ZNF804B: variants seen among roughly 807,000 people sequenced by gnomAD.
The protein encoded by ZNF804B is zinc finger 804B.
A neutral mutation model predicts 101.4 loss-of-function variants in ZNF804B; 80 were observed. That is an observed-to-expected ratio of 0.79 (90% CI 0.66 to 0.95). The LOEUF is 0.95. ZNF804B is among the 40% of genes least tolerant of loss of function. ZNF804B has a pLI of 0.00. For synonymous variants in ZNF804B, 622 were observed against 558.8 expected (o/e 1.11, Z -1.59); for missense variants, 1,673 against 1,561.9 (o/e 1.07, Z -1.20).
intron 1 of ZNF804B, among the ~76,000 whole-genome samples, chr7:89,013,185 C>T (rs1386667333): frequency 6.6e-6 from 1 of 152,048 alleles, no homozygotes; most frequent in Admixed American, 6.6e-5. Context: ...CAGAGCCAAA[C>T]CATATCAAGT....
rs115888683 is a variant in ZNF804B at position 88,905,600 on chromosome 7, C to G, written c.108+145516C>G. 4.9e-3 allele frequency among the ~76,000 whole-genome samples: 750 copies of G among 152,224 alleles called. 11 individuals are homozygous for G. Among genetic ancestry groups the G allele is most frequent in the African/African-American group, 0.017 (719 of 41,534 alleles). On this transcript the variant is annotated intron_variant, in intron 1 of 3. Coordinates refer to ENST00000333190, the MANE Select transcript of ZNF804B (RefSeq NM_181646.5). ...CCTTGAACTGCTGACCTCAGGTGATCTCTCCGCCTTGACCTCCCAAGTGCT... is the reference window on the plus strand; with the variant it reads ...CCTTGAACTGCTGACCTCAGGTGATGTCTCCGCCTTGACCTCCCAAGTGCT...
chr7:89,335,036 C>A lies in ZNF804B; in HGVS notation c.2054C>A (p.Thr685Asn), dbSNP rs77804968. 419 of 1,613,808 alleles carry A rather than the reference C, an allele frequency of 2.6e-4. 4 individuals carry two copies. The African/African-American group carries it at 5.4e-3, about 21-fold the overall frequency. The part of the protein sequence containing the change: ...VILKSNHISM[T>N]SKVSGCGNQR... ...TTGAAGAGTAACCACATCAGCATGA[C>A]CAGCAAGGTTTCCGGATGTGGAAAC... is the stretch of plus-strand genomic sequence containing the variant. Residue 685 changes from threonine (T) to asparagine (N), a missense_variant, in exon 4 of 4, where the codon ACC (threonine) becomes AAC (asparagine). Transcript: ENST00000333190.
At chr7:89,256,014 A>G (rs763180807) in intron 2 of ZNF804B, among the ~76,000 whole-genome samples, 2 of 152,172 alleles carry the variant, frequency 1.3e-5, no homozygotes, top group Non-Finnish European at 2.9e-5. Context: ...GATTGCAAAA[A>G]GTATTAAAAG....
At chr7:88,927,427 A>C (rs1792822005) in intron 1 of ZNF804B, among the ~76,000 whole-genome samples, 1 of 152,272 alleles carries the variant, frequency 6.6e-6, no homozygotes, top group South Asian at 2.1e-4. Flanking sequence ...CATGAAGAGA[A>C]ACATCACTTA....
intron 1 of ZNF804B, among the ~76,000 whole-genome samples, chr7:88,900,559 T>A: frequency 6.8e-6 from 1 of 146,338 alleles, no homozygotes; most frequent in Non-Finnish European, 1.5e-5. Flanking sequence ...TGGTCAAGCA[T>A]CTAGTATGTG....
At chr7:89,268,800 C>A (rs1253589646) in intron 2 of ZNF804B, among the ~76,000 whole-genome samples, 1 of 151,980 alleles carries the variant, frequency 6.6e-6, no homozygotes, top group Non-Finnish European at 1.5e-5. Flanking sequence ...TCATAGTATT[C>A]TCTGGAAGGG....
intron 1 of ZNF804B, among the ~76,000 whole-genome samples, chr7:88,768,124 T>C (rs966103173): frequency 2.0e-5 from 3 of 152,226 alleles, no homozygotes; most frequent in Non-Finnish European, 4.4e-5. Context: ...AAATGAATGA[T>C]GAACAATATA....
At chr7:88,899,215 A>AT (rs910903363) in intron 1 of ZNF804B, among the ~76,000 whole-genome samples, 3 of 152,176 alleles carry the variant, frequency 2.0e-5, no homozygotes, top group South Asian at 4.1e-4. Flanking sequence ...ATCTTCAACA[A>AT]TTTTTTTTCT....
intron 2 of ZNF804B, among the ~76,000 whole-genome samples, chr7:89,226,383 A>G (rs1789089103): frequency 6.6e-6 from 1 of 152,130 alleles, no homozygotes; most frequent in Non-Finnish European, 1.5e-5. Context: ...ATTATGGTGG[A>G]CTTAAACTGG....
At chr7:88,910,337 C>T (rs953320840) in intron 1 of ZNF804B, among the ~76,000 whole-genome samples, 10 of 151,860 alleles carry the variant, frequency 6.6e-5, no homozygotes, top group African/African-American at 2.2e-4. Context: ...AAGCAAACGT[C>T]TCCCAATTTA....
chr7:89,156,023 T>TC (rs1264882749), intron 1 of ZNF804B, among the ~76,000 whole-genome samples: 9 of 30,074 alleles, frequency 3.0e-4, no homozygotes, highest in South Asian at 1.0e-3. Flanking sequence ...CTCTTTCCTT[T>TC]CTTTCTTTCT....
chr7:88,764,529 A>G (rs1789950814), intron 1 of ZNF804B, among the ~76,000 whole-genome samples: 2 of 152,132 alleles, frequency 1.3e-5, no homozygotes, highest in African/African-American at 4.8e-5. Flanking sequence ...TTTTAAATGG[A>G]CCAACAATCT....
chr7:88,881,641 G>A (rs967069010), intron 1 of ZNF804B, among the ~76,000 whole-genome samples: 6 of 152,140 alleles, frequency 3.9e-5, no homozygotes, highest in Admixed American at 3.9e-4. Flanking sequence ...CCCATTGTTT[G>A]GGGAATCCAA....
intron 1 of ZNF804B, among the ~76,000 whole-genome samples, chr7:88,902,288 T>C (rs1316235829): frequency 6.6e-6 from 1 of 152,028 alleles, no homozygotes; most frequent in African/African-American, 2.4e-5. Flanking sequence ...AGTTGTCTTA[T>C]GCATATCTGT....
At position 88,891,500 on chromosome 7, in the gene ZNF804B, C is replaced by A. The variant is rs1792213869; in HGVS notation, c.108+131416C>A. ...AGACTATCATGTAATTCACTGTAAT[C>A]CAATCTGATAATCTCTTTAACTTGA... On this transcript the variant is annotated intron_variant, in intron 1 of 3. Coordinates refer to ENST00000333190, the MANE Select transcript of ZNF804B (RefSeq NM_181646.5). Among the ~76,000 whole-genome samples the A allele has an allele frequency of 2.0e-5, 3 of 152,070 alleles. No individual in the cohort carries two copies. The South Asian group carries it at 6.2e-4, about 31-fold the overall frequency.
rs796718013 is a variant in ZNF804B, at chr7:89,238,204, GT to G, written c.249+19912del. Among the ~76,000 whole-genome samples the G allele has an allele frequency of 5.8e-4, 89 of 152,150 alleles. 1 individual carries two copies. Among genetic ancestry groups the G allele is most frequent in the African/African-American group, 2.0e-3 (84 of 41,522 alleles). ...AGAACAAGGGCATTAATGAGGGAATGTTTATAGAAATGTATATTTTGAAATG... is the reference window on the plus strand; with the variant it reads ...AGAACAAGGGCATTAATGAGGGAATGTTATAGAAATGTATATTTTGAAATG... On this transcript the variant is annotated intron_variant, in intron 2 of 3. Coordinates refer to ENST00000333190, the MANE Select transcript of ZNF804B (RefSeq NM_181646.5).
chr7:88,800,417 T>G (rs1219040958), intron 1 of ZNF804B, among the ~76,000 whole-genome samples: 1 of 152,130 alleles, frequency 6.6e-6, no homozygotes, highest in African/African-American at 2.4e-5. Flanking sequence ...GATTACAACA[T>G]TTCACATAGT....
At chr7:88,863,291 C>T (rs899958722) in intron 1 of ZNF804B, among the ~76,000 whole-genome samples, 2 of 152,194 alleles carry the variant, frequency 1.3e-5, no homozygotes, top group Non-Finnish European at 2.9e-5. Context: ...ATGACCCTTC[C>T]TCTACAAACA....
At chr7:89,282,608 G>A (rs1790117379) in intron 2 of ZNF804B, among the ~76,000 whole-genome samples, 1 of 152,118 alleles carries the variant, frequency 6.6e-6, no homozygotes, top group East Asian at 1.9e-4. Flanking sequence ...ATCTTATTTG[G>A]AAAAATGGTC....
Sources: gnomAD v4.1 joint callset for allele counts (sites outside exome capture counted in the v4.1 genomes callset) on GRCh38, gnomAD v4.1.1 for gene constraint, MANE v1.5 for transcripts, NCBI Gene and HGNC (gene_info 2026-07-23, HGNC 2026-07-21) for gene names.